The following AKAP17A variants were observed in gnomAD, a reference collection of about 807,000 sequenced individuals.
The protein encoded by AKAP17A is A-kinase anchoring protein 17A, also known as A-kinase anchor protein 17A.
Under a neutral mutation model 52.2 loss-of-function variants are expected in AKAP17A, and 15 were observed. The ratio of observed to expected loss-of-function variants is 0.29; its 90% CI spans 0.19 to 0.44. The LOEUF (loss-of-function observed/expected upper bound fraction) is 0.44, where lower values mean the gene tolerates loss of function less well. Among genes scored for constraint, AKAP17A ranks in the 20% least tolerant of loss-of-function variants. The pLI, the probability that AKAP17A is intolerant of heterozygous loss-of-function variation, is 1.00. For synonymous variants in AKAP17A, 514 were observed against 424.7 expected (o/e 1.21, Z -2.58); for missense variants, 1,060 against 1,007.0 (o/e 1.05, Z -0.71).
intron 3 of AKAP17A, among the ~76,000 whole-genome samples, chrX:1,598,823 G>A (rs1933174314): frequency 6.6e-6 from 1 of 152,224 alleles, no homozygotes; most frequent in African/African-American, 2.4e-5. Context: ...CCGCGCCGCT[G>A]TGCATCCCGG....
intron 3 of AKAP17A, among the ~76,000 whole-genome samples, chrX:1,597,915 A>C (rs1331679413): frequency 6.6e-6 from 1 of 152,066 alleles, no homozygotes; most frequent in Admixed American, 6.5e-5. Context: ...GGAGCTGGCC[A>C]GGAGGGCTCC....
intron 3 of AKAP17A, among the ~76,000 whole-genome samples, chrX:1,597,434 C>T (rs755441110): frequency 1.1e-4 from 17 of 152,256 alleles, no homozygotes; most frequent in East Asian, 1.9e-4. Context: ...GCTGCTGCGT[C>T]GCCATCCTGG....
In AKAP17A at chrX:1,592,345, G is replaced by C. The variant is rs1489519045; in HGVS notation, c.-20+576G>C. On this transcript the variant is annotated intron_variant, in intron 1 of 4. Transcript: ENST00000313871. Reference sequence around the variant, plus strand: ...CAGCGGCAGCCTGAGGCCATGCTGGGGGGCTGCGGTAGGTGGGAATACCAG... The same window carrying C: ...CAGCGGCAGCCTGAGGCCATGCTGGCGGGCTGCGGTAGGTGGGAATACCAG... Among the ~76,000 whole-genome samples, 25 of 152,152 alleles carry C rather than the reference G, an allele frequency of 1.6e-4. 1 individual carries two copies. The highest frequency in any genetic ancestry group is 6.0e-4 in the African/African-American group (25 of 41,504).
chrX:1,597,204 C>G (rs1219269952), intron 3 of AKAP17A, among the ~76,000 whole-genome samples: 16 of 152,186 alleles, frequency 1.1e-4, no homozygotes, highest in Non-Finnish European at 2.1e-4. Flanking sequence ...GCAGGTCCAT[C>G]CTGCCCGTGG....
chrX:1,600,917 C>G lies in AKAP17A; in HGVS notation c.1411C>G (p.Leu471Val). The change falls in exon 5 of 5, where the codon CTG becomes GTG. Residue 471 changes from leucine (L) to valine (V), a missense_variant. By Grantham distance (32) the Leu-to-Val change is conservative. Coordinates refer to ENST00000313871, the MANE Select transcript of AKAP17A (RefSeq NM_005088.3). ...CCTGCTGCAGCCCGTCCTGGACATC[C>G]TGCAGACCGTGTCGTCCGGCTGTGT... ...ADLLQPVLDI[L>V]QTVSSGCVSA... 1 of 1,576,804 alleles carries G rather than the reference C, an allele frequency of 6.3e-7. No homozygotes were observed. Among genetic ancestry groups the G allele is most frequent in the Non-Finnish European group, 8.6e-7 (1 of 1,164,984 alleles).
intron 3 of AKAP17A, 64 bp from the exon 4 acceptor site, chrX:1,599,128 T>A: frequency 6.3e-7 from 1 of 1,579,668 alleles, no homozygotes; most frequent in South Asian, 1.2e-5. Flanking sequence ...GAAAGCCGCT[T>A]GTATGGTGTG....
At position 1,600,925 on chromosome X, in the gene AKAP17A, C is replaced by T. The variant is rs759189591; in HGVS notation, c.1419C>T (p.Thr473=). 50 of 1,574,960 alleles carry T rather than the reference C, an allele frequency of 3.2e-5. 1 individual carries two copies. Among genetic ancestry groups the T allele is most frequent in the East Asian group, 9.3e-5 (4 of 42,928 alleles). The change falls in exon 5 of 5, where the codon ACC becomes ACT. Residue 473 remains threonine, a synonymous_variant. Coordinates refer to ENST00000313871, the MANE Select transcript of AKAP17A (RefSeq NM_005088.3). The part of the protein sequence containing the change: ...LLQPVLDILQ[T]VSSGCVSATT... ...AGCCCGTCCTGGACATCCTGCAGAC[C>T]GTGTCGTCCGGCTGTGTGAGCGCCA...
At position 1,591,672 on chromosome X, in the gene AKAP17A, C is replaced by T. The variant is rs1253528004; in HGVS notation, c.-117C>T. The T allele has an allele frequency of 2.0e-5, 3 of 152,038 alleles. No individual in the cohort carries two copies. The highest frequency in any genetic ancestry group is 6.6e-5 in the Admixed American group (1 of 15,236). 9.4% of individuals were successfully genotyped at this position (152,038 alleles called of 1,614,324 possible). ...GCCTCCGGGGGACGGTGGCGGCTCC[C>T]GGCGGTGAGGCCGCGCCTGTCCGGG... On this transcript the variant is annotated 5_prime_UTR_variant, in exon 1 of 5. Transcript: ENST00000313871.
chrX:1,595,232 GGTC>G lies in AKAP17A; in HGVS notation c.763-151_763-149del. 108 of 188,046 alleles carry G rather than the reference GGTC, an allele frequency of 5.7e-4. 40 individuals are homozygous for G. The highest frequency in any genetic ancestry group is 5.5e-3 in the Middle Eastern group (2 of 364). 11.6% of individuals were successfully genotyped at this position (188,046 alleles called of 1,614,324 possible). On this transcript the variant is annotated intron_variant, in intron 2 of 4. Transcript: ENST00000313871. Reference sequence around the variant, plus strand: ...TTTGGCTTCTGGGCTCCACTGTCTGGGTCTGCACCGGACATGAGTGGTGAGCGG... The same window carrying G: ...TTTGGCTTCTGGGCTCCACTGTCTGGTGCACCGGACATGAGTGGTGAGCGG...
chrX:1,598,933 G>A (rs1370665267), intron 3 of AKAP17A, among the ~76,000 whole-genome samples: 1 of 152,168 alleles, frequency 6.6e-6, no homozygotes, highest in Non-Finnish European at 1.5e-5. Flanking sequence ...TCGGTCCAGT[G>A]GTCGTTTTCT....
chrX:1,597,030 G>A (rs1429407841), intron 3 of AKAP17A, among the ~76,000 whole-genome samples: 2 of 152,234 alleles, frequency 1.3e-5, no homozygotes, highest in African/African-American at 2.4e-5. Context: ...ATCAAGTCTG[G>A]GACGTGTTGG....
At position 1,601,253 on chromosome X, in the gene AKAP17A, C is replaced by A; in HGVS notation, c.1747C>A (p.Pro583Thr). Residue 583 changes from proline to threonine, a missense_variant, in exon 5 of 5, where the codon CCC becomes ACC. Physicochemically the swap from Pro to Thr is conservative, Grantham distance 38. Around this residue, in one of 2 missense-constraint regions of AKAP17A, gnomAD observed 793 missense variants for 629.9 expected, o/e 1.26. Transcript: ENST00000313871. ...AGAACAGGACAAGTGCAACCGGGAG[C>A]CCAGCAAGGGCCGGGGCCGGGCCAC... ...RSEQDKCNRE[P>T]SKGRGRATGD... The A allele has an allele frequency of 3.1e-6, 5 of 1,613,616 alleles. No homozygotes were observed. The highest frequency in any genetic ancestry group is 4.2e-6 in the Non-Finnish European group (5 of 1,179,708).
In AKAP17A at chrX:1,600,764, GAGA is replaced by G; in HGVS notation, c.1261_1263del (p.Lys421del). 6 of 1,566,506 alleles carry G rather than the reference GAGA, an allele frequency of 3.8e-6. No homozygotes were observed. Among genetic ancestry groups the G allele is most frequent in the Non-Finnish European group, 5.2e-6 (6 of 1,160,808 alleles). On this transcript the variant is annotated inframe_deletion, in exon 5 of 5. Transcript: ENST00000313871. ...GGCCGAGCTGCGGCGCGTGGAGGAG[GAGA>G]AGGAGCGCGCGCTGGGCCTGCAGCG...
In AKAP17A at chrX:1,600,811, C is replaced by A. The variant is rs762607911; in HGVS notation, c.1305C>A (p.Arg435=). Residue 435 remains arginine, a synonymous_variant, in exon 5 of 5, where the codon CGC becomes CGA. Coordinates refer to ENST00000313871, the MANE Select transcript of AKAP17A (RefSeq NM_005088.3). The part of the protein sequence containing the change: ...LGLQRKEREL[R]ERLLSILLSK... Reference sequence around the variant, plus strand: ...TGCAGCGGAAAGAGCGGGAGCTGCGCGAGCGGCTGCTGAGCATCCTGCTGA... The same window carrying A: ...TGCAGCGGAAAGAGCGGGAGCTGCGAGAGCGGCTGCTGAGCATCCTGCTGA... 2 of 1,590,394 alleles carry A rather than the reference C, an allele frequency of 1.3e-6. No individual in the cohort carries two copies. The highest frequency in any genetic ancestry group is 1.7e-5 in the Admixed American group (1 of 57,176).
intron 3 of AKAP17A, among the ~76,000 whole-genome samples, chrX:1,597,232 C>T (rs1488821754): frequency 1.3e-5 from 2 of 152,180 alleles, no homozygotes. Context: ...TACGTAGCCC[C>T]CGTTGCCTCC....
intron 3 of AKAP17A, 138 bp from the exon 4 acceptor site, chrX:1,599,054 G>T: frequency 7.3e-7 from 1 of 1,378,108 alleles, no homozygotes; most frequent in Non-Finnish European, 9.8e-7. Context: ...GTCAACCGAG[G>T]TCCACCTTGG....
intron 3 of AKAP17A, among the ~76,000 whole-genome samples, chrX:1,598,945 C>T (rs1266967974): frequency 6.6e-6 from 1 of 152,116 alleles, no homozygotes; most frequent in African/African-American, 2.4e-5. Context: ...TCGTTTTCTT[C>T]GTGGTTTCAG....
Position 1,594,047 on chromosome X carries a change from C to T in AKAP17A, c.585C>T (p.Tyr195=), listed in dbSNP as rs143252950. The T allele has an allele frequency of 2.1e-3, 3,386 of 1,612,344 alleles. 13 individuals carry two copies. Among genetic ancestry groups the T allele is most frequent in the Middle Eastern group, 3.5e-3 (21 of 6,036 alleles). The stretch of plus-strand genomic sequence containing the variant: ...TGGACATCCCCATGCTGGACCCCTA[C>T]CGGGAGGAGATGACGGGCCGCAACT... ...RNVDIPMLDP[Y]REEMTGRNFH... The change falls in exon 2 of 5, where the codon TAC becomes TAT. Residue 195 remains tyrosine (Y), a synonymous_variant. Transcript: ENST00000313871.
intron 3 of AKAP17A, among the ~76,000 whole-genome samples, chrX:1,598,839 T>G (rs1933175794): frequency 1.3e-5 from 2 of 152,130 alleles, no homozygotes; most frequent in South Asian, 4.1e-4. Context: ...CCCGGGGCCT[T>G]GTTGGGCCTG....
Sources: gnomAD v4.1 joint callset for allele counts (sites outside exome capture counted in the v4.1 genomes callset) on GRCh38, gnomAD v4.1.1 for gene constraint, gnomAD v4.1.1 regional missense constraint, MANE v1.5 for transcripts, NCBI Gene and HGNC (gene_info 2026-07-23, HGNC 2026-07-21) for gene names.